Variants in ADGB observed in about 807,000 individuals in gnomAD.
ADGB encodes androglobin.
A neutral mutation model predicts 210.5 loss-of-function variants in ADGB; 172 were observed. That is an observed-to-expected ratio of 0.82 (90% confidence interval 0.72 to 0.93). The LOEUF is 0.93. Among genes scored for constraint, ADGB ranks in the 40% least tolerant of loss-of-function variants. ADGB has a pLI of 0.00. For synonymous variants in ADGB, 658 were observed against 662.7 expected (o/e 0.99, Z 0.11); for missense variants, 2,025 against 1,964.8 (o/e 1.03, Z -0.58).
intron 33 of ADGB, 119 bp downstream of exon 33, chr6:146,788,729 G>A (rs1409594815): frequency 3.2e-6 from 3 of 932,382 alleles, no homozygotes; most frequent in African/African-American, 3.3e-5. Flanking sequence ...ATGTCTTTCC[G>A]ATATATAGAT....
chr6:146,776,273 G>A (rs1777719657), intron 29 of ADGB, among the ~76,000 whole-genome samples: 1 of 151,942 alleles, frequency 6.6e-6, no homozygotes, highest in Non-Finnish European at 1.5e-5. Flanking sequence ...CTAGTAGAAT[G>A]TTTTTTTCTT....
chr6:146,728,862 T>C, intron 20 of ADGB, 121 bp downstream of exon 20: 2 of 813,534 alleles, frequency 2.5e-6, no homozygotes, highest in Non-Finnish European at 3.6e-6. Context: ...AGATAATATA[T>C]TTGGGAAGTG....
In ADGB at chr6:146,664,210, A is replaced by G. The variant is rs1160691567; in HGVS notation, c.622A>G (p.Arg208Gly). The change falls in exon 6 of 36, where the codon AGA becomes GGA. Residue 208 changes from arginine to glycine, a missense_variant. Coordinates refer to ENST00000397944, the MANE Select transcript of ADGB (RefSeq NM_024694.4). ...TTCATCTTATTTTTAGGGTTGCTGGAGAAAGATAACAATTGATGACTTTTT... is the reference window on the plus strand; with the variant it reads ...TTCATCTTATTTTTAGGGTTGCTGGGGAAAGATAACAATTGATGACTTTTT... ...VVKLYWMGCW[R>G]KITIDDFLPF... 2 of 1,545,946 alleles carry G rather than the reference A, an allele frequency of 1.3e-6. No individual in the cohort carries two copies. Among genetic ancestry groups the G allele is most frequent in the African/African-American group, 2.7e-5 (2 of 72,878 alleles).
intron 1 of ADGB, among the ~76,000 whole-genome samples, chr6:146,610,188 G>T (rs1432254041): frequency 1.3e-5 from 2 of 152,158 alleles, no homozygotes; most frequent in Admixed American, 6.5e-5. Context: ...AGCTCTATCA[G>T]ATGAGTTTGG....
chr6:146,739,540 A>G (rs568978717), intron 23 of ADGB, among the ~76,000 whole-genome samples: 5 of 152,228 alleles, frequency 3.3e-5, no homozygotes, highest in Non-Finnish European at 7.4e-5. Flanking sequence ...TCCTCCTACC[A>G]AAAGCCTATG....
chr6:146,636,059 T>C (rs1775414123), intron 2 of ADGB, among the ~76,000 whole-genome samples: 1 of 152,080 alleles, frequency 6.6e-6, no homozygotes. Flanking sequence ...GTCCCTGAGA[T>C]TGGTGCCAAA....
At chr6:146,719,613 A>C (rs1383286426) in intron 16 of ADGB, among the ~76,000 whole-genome samples, 2 of 152,190 alleles carry the variant, frequency 1.3e-5, no homozygotes, top group Non-Finnish European at 2.9e-5. Context: ...TCCTCAGCAC[A>C]ATCCACAGAT....
At chr6:146,691,466 A>ATAAT (rs1776321100) in intron 11 of ADGB, among the ~76,000 whole-genome samples, 176 bp downstream of exon 11, 1 of 15,212 alleles carries the variant, frequency 6.6e-5, no homozygotes, top group Admixed American at 1.1e-3. Flanking sequence ...ATAAAAATAT[A>ATAAT]TATATATATA....
chr6:146,638,315 A>G (rs1237487619), intron 2 of ADGB, among the ~76,000 whole-genome samples: 2 of 152,130 alleles, frequency 1.3e-5, no homozygotes. Flanking sequence ...AAAATAAAAC[A>G]TAAAAAGCTG....
chr6:146,658,682 A>T (rs1775816716), intron 5 of ADGB, among the ~76,000 whole-genome samples: 1 of 152,134 alleles, frequency 6.6e-6, no homozygotes, highest in South Asian at 2.1e-4. Flanking sequence ...TTTCTCCTTA[A>T]TCATACTGAT....
At chr6:146,666,207 A>G (rs1775935652) in intron 6 of ADGB, among the ~76,000 whole-genome samples, 1 of 152,082 alleles carries the variant, frequency 6.6e-6, no homozygotes, top group Non-Finnish European at 1.5e-5. Context: ...TTGCATGTAA[A>G]TGTAAATAGA....
At chr6:146,606,085 C>T (rs1780625624) in intron 1 of ADGB, among the ~76,000 whole-genome samples, 1 of 152,130 alleles carries the variant, frequency 6.6e-6, no homozygotes, top group South Asian at 2.1e-4. Flanking sequence ...TCACCTGCAT[C>T]TGTTATTTTT....
chr6:146,744,732 T>C (rs1777205495), intron 25 of ADGB, among the ~76,000 whole-genome samples: 1 of 152,190 alleles, frequency 6.6e-6, no homozygotes, highest in Non-Finnish European at 1.5e-5. Flanking sequence ...TACTCGATTA[T>C]ATAAATGTTT....
intron 1 of ADGB, among the ~76,000 whole-genome samples, chr6:146,607,099 G>A (rs1780641373): frequency 1.3e-5 from 2 of 152,120 alleles, no homozygotes; most frequent in Admixed American, 1.3e-4. Context: ...AATCCTTGAT[G>A]TAAAGTTCTG....
At chr6:146,638,924 A>AAAAAT (rs3065902) in intron 2 of ADGB, 6 of 151,326 alleles carry the variant, frequency 4.0e-5, no homozygotes, top group Admixed American at 6.6e-5. Flanking sequence ...AAAAAAAAAA[A>AAAAAT]TGCATTTCTC....
chr6:146,701,848 G>A (rs62434371), intron 13 of ADGB, among the ~76,000 whole-genome samples: 132 of 151,968 alleles, frequency 8.7e-4, no homozygotes, highest in Non-Finnish European at 1.5e-3. Context: ...TCTGTAGATG[G>A]GGAGATACGA....
chr6:146,777,575 AC>A (rs1777738516), intron 29 of ADGB, among the ~76,000 whole-genome samples: 1 of 152,270 alleles, frequency 6.6e-6, no homozygotes, highest in South Asian at 2.1e-4. Flanking sequence ...CCTATCACAG[AC>A]CTAGCAAATC....
intron 7 of ADGB, among the ~76,000 whole-genome samples, chr6:146,671,216 A>G (rs1257726851): frequency 6.6e-6 from 1 of 152,156 alleles, no homozygotes; most frequent in Non-Finnish European, 1.5e-5. Flanking sequence ...ACTGTATCAG[A>G]CTCATGGTTT....
intron 35 of ADGB, among the ~76,000 whole-genome samples, chr6:146,806,095 AAT>A (rs1239569357): frequency 1.3e-5 from 2 of 152,236 alleles, no homozygotes; most frequent in African/African-American, 2.4e-5. Context: ...TGTGGGAAAT[AAT>A]TTAGATTAGA....
Sources: gnomAD v4.1 joint callset for allele counts (sites outside exome capture counted in the v4.1 genomes callset) on GRCh38, gnomAD v4.1.1 for gene constraint, MANE v1.5 for transcripts, NCBI Gene and HGNC (gene_info 2026-07-23, HGNC 2026-07-21) for gene names.